Variants in MYO9A observed in about 807,000 individuals in gnomAD.
The protein encoded by MYO9A is unconventional myosin-IXa.
A neutral mutation model predicts 293.3 loss-of-function variants in MYO9A; 103 were observed. That is an observed-to-expected ratio of 0.35 (90% CI 0.30 to 0.41). The LOEUF (loss-of-function observed/expected upper bound fraction) is 0.41. Ranked by LOEUF, MYO9A falls within the 10% of genes least tolerant of loss-of-function variation. The pLI is 1.00. For missense variants in MYO9A, 2,685 were observed against 3,033.0 expected, an observed-to-expected ratio of 0.89 and a Z score of 2.69; for synonymous variants, 1,001 against 1,035.7, an observed-to-expected ratio of 0.97 and a Z score of 0.64.
chr15:72,030,518 A>C (rs1283498470), intron 3 of MYO9A, among the ~76,000 whole-genome samples: 2 of 151,972 alleles, frequency 1.3e-5, no homozygotes, highest in African/African-American at 4.8e-5. Context: ...ATATCTATAT[A>C]TACATATATA....
At chr15:72,013,640 TGTAAG>T (rs1318522988) in intron 6 of MYO9A, among the ~76,000 whole-genome samples, 1 of 152,184 alleles carries the variant, frequency 6.6e-6, no homozygotes, top group African/African-American at 2.4e-5. Context: ...TTGCTCTTTC[TGTAAG>T]GTGACACACT....
At chr15:71,950,734 A>G (rs571464113) in intron 15 of MYO9A, among the ~76,000 whole-genome samples, 9 of 152,354 alleles carry the variant, frequency 5.9e-5, no homozygotes, top group African/African-American at 2.2e-4. Flanking sequence ...AATCCACAAC[A>G]TTTGTTCTTA....
rs1029147976 is a variant in MYO9A at position 71,985,537 on chromosome 15, C to T, written c.1722+5566G>A. On this transcript the variant is annotated intron_variant, in intron 11 of 41. Transcript: ENST00000356056. ...AGATGTAACCCTTTAGGGATCTCAA[C>T]CTAAAGCCTATAGGAATTACCAAGG... Among the ~76,000 whole-genome samples the T allele has an allele frequency of 2.6e-5, 4 of 152,106 alleles. 1 individual carries two copies. Among genetic ancestry groups the T allele is most frequent in the African/African-American group, 4.8e-5 (2 of 41,416 alleles).
In MYO9A at chr15:72,100,622, G is replaced by A. The variant is rs549337468; in HGVS notation, c.-72+17058C>T. ...CACCTCTGCCCCGCCGCCCCGTCTGGGATGTGAGGAGCACCTCTGCCCCGC... is the reference window on the plus strand; with the variant it reads ...CACCTCTGCCCCGCCGCCCCGTCTGAGATGTGAGGAGCACCTCTGCCCCGC... On this transcript the variant is annotated intron_variant, in intron 1 of 41. Coordinates refer to ENST00000356056, the MANE Select transcript of MYO9A (RefSeq NM_006901.4). Among the ~76,000 whole-genome samples, 26 of 151,248 alleles carry A rather than the reference G, an allele frequency of 1.7e-4. No individual in the cohort carries two copies. The South Asian group carries it at 5.2e-3, about 31-fold the overall frequency.
intron 1 of MYO9A, among the ~76,000 whole-genome samples, chr15:72,055,448 AT>A (rs796129440): frequency 9.8e-5 from 15 of 152,316 alleles, no homozygotes; most frequent in African/African-American, 3.4e-4. Context: ...CCAAAAGCAA[AT>A]GCAACAAAAA....
chr15:72,090,004 T>C (rs542442211), intron 1 of MYO9A, among the ~76,000 whole-genome samples: 1 of 152,326 alleles, frequency 6.6e-6, no homozygotes, highest in South Asian at 2.1e-4. Context: ...ATTAATAACT[T>C]ATTAAGACTA....
intron 12 of MYO9A, 67 bp downstream of exon 12, chr15:71,978,104 G>A (rs2147826129): frequency 1.9e-6 from 3 of 1,555,766 alleles, no homozygotes; most frequent in Non-Finnish European, 2.6e-6. Context: ...TAAGAAAAAA[G>A]TTTAAACTTA....
At chr15:71,883,417 T>C (rs1185050622) in intron 28 of MYO9A, among the ~76,000 whole-genome samples, 177 bp downstream of exon 28, 1 of 152,200 alleles carries the variant, frequency 6.6e-6, no homozygotes, top group Non-Finnish European at 1.5e-5. Flanking sequence ...GAAACTTCTA[T>C]TGTAGGAAAA....
At chr15:71,947,967 ACTC>A (rs991848410) in intron 15 of MYO9A, among the ~76,000 whole-genome samples, 82 of 151,764 alleles carry the variant, frequency 5.4e-4, no homozygotes, top group African/African-American at 1.9e-3. Flanking sequence ...ATTTTTCCTC[ACTC>A]CTCTAATTTC....
At chr15:71,858,394 T>A (rs1330756770) in intron 34 of MYO9A, among the ~76,000 whole-genome samples, 3 of 152,142 alleles carry the variant, frequency 2.0e-5, no homozygotes, top group East Asian at 3.9e-4. Flanking sequence ...TAAGAAAATG[T>A]GGCACATATA....
chr15:71,905,576 A>G (rs998787203), intron 19 of MYO9A, among the ~76,000 whole-genome samples: 7 of 152,012 alleles, frequency 4.6e-5, no homozygotes, highest in African/African-American at 1.7e-4. Context: ...ACCTGAGGTC[A>G]GAAGTTTGAG....
chr15:72,117,399 T>C (rs1477695197), intron 1 of MYO9A, among the ~76,000 whole-genome samples: 1 of 152,080 alleles, frequency 6.6e-6, no homozygotes, highest in Non-Finnish European at 1.5e-5. Flanking sequence ...CCTAAGGGAC[T>C]CTGAGGGGTA....
At chr15:72,055,107 G>C (rs567519192) in intron 1 of MYO9A, among the ~76,000 whole-genome samples, 34 of 152,306 alleles carry the variant, frequency 2.2e-4, no homozygotes, top group African/African-American at 7.7e-4. Context: ...CATTTCAGTT[G>C]AAGAAAATGT....
intron 7 of MYO9A, among the ~76,000 whole-genome samples, chr15:72,008,617 C>T (rs185284122): frequency 6.6e-6 from 1 of 152,028 alleles, no homozygotes; most frequent in Admixed American, 6.6e-5. Context: ...GAGTATGTGC[C>T]CTCCAATCAA....
chr15:71,938,775 A>G, intron 16 of MYO9A, 77 bp downstream of exon 16: 2 of 1,296,274 alleles, frequency 1.5e-6, no homozygotes, highest in Non-Finnish European at 2.1e-6. Flanking sequence ...TCAAACTTTT[A>G]AAGTCACAAA....
intron 3 of MYO9A, among the ~76,000 whole-genome samples, chr15:72,029,089 T>TAAGTGAGTACACAC (rs2077778380): frequency 6.6e-6 from 1 of 152,170 alleles, no homozygotes; most frequent in Non-Finnish European, 1.5e-5. Context: ...TTCCCATGGA[T>TAAGTGAGTACACAC]AAGTGAGTAC....
Position 71,898,670 on chromosome 15 carries a change from C to T in MYO9A, c.3833G>A (p.Arg1278Lys). 2 of 1,614,020 alleles carry T rather than the reference C, an allele frequency of 1.2e-6. No homozygotes were observed. Among genetic ancestry groups the T allele is most frequent in the Non-Finnish European group, 1.7e-6 (2 of 1,180,006 alleles). Reference sequence around the variant, plus strand: ...GCTAAATATAGCTTGCTCTAGTTCTCTCATTCTCCTACTTTCTCTCTTAGC... The same window carrying T: ...GCTAAATATAGCTTGCTCTAGTTCTTTCATTCTCCTACTTTCTCTCTTAGC... Reference protein sequence around the residue: ...GRAKRESRRMRELEQAIFSLE... With the variant: ...GRAKRESRRMKELEQAIFSLE... The change falls in exon 25 of 42, where the codon AGA becomes AAA. Residue 1278 changes from arginine to lysine, a missense_variant. By Grantham distance (26) the Arg-to-Lys change is conservative. Around this residue, in one of 10 missense-constraint regions of MYO9A, gnomAD observed 1,434 missense variants for 1,497.7 expected, o/e 0.96. Coordinates refer to ENST00000356056, the MANE Select transcript of MYO9A (RefSeq NM_006901.4).
At chr15:71,994,271 C>T (rs747752023) in intron 10 of MYO9A, among the ~76,000 whole-genome samples, 198 bp downstream of exon 10, 15 of 151,858 alleles carry the variant, frequency 9.9e-5, no homozygotes, top group Admixed American at 8.5e-4. Context: ...TATACACGTT[C>T]GGGAGGTAAA....
At chr15:72,034,544 C>T (rs1371010791) in intron 2 of MYO9A, among the ~76,000 whole-genome samples, 2 of 152,126 alleles carry the variant, frequency 1.3e-5, no homozygotes, top group East Asian at 3.9e-4. Context: ...ACTATATACA[C>T]AAAAAAGCTT....
Sources: gnomAD v4.1 joint callset for allele counts (sites outside exome capture counted in the v4.1 genomes callset) on GRCh38, gnomAD v4.1.1 for gene constraint, gnomAD v4.1.1 regional missense constraint, MANE v1.5 for transcripts, NCBI Gene and HGNC (gene_info 2026-07-23, HGNC 2026-07-21) for gene names.